ZNF184: variants seen among roughly 807,000 people sequenced by gnomAD.
ZNF184 encodes the protein zinc finger protein 184 (Kruppel-like).
ZNF184 carries 16 observed loss-of-function variants against 54.4 expected under a neutral mutation model. That is an observed-to-expected ratio of 0.29 (90% CI 0.20 to 0.45). ZNF184 has a LOEUF of 0.45. Among genes scored for constraint, ZNF184 ranks in the 20% least tolerant of loss-of-function variants. ZNF184 has a pLI of 1.00. For missense variants in ZNF184, 681 were observed against 888.2 expected, an observed-to-expected ratio of 0.77 and a Z score of 2.97; for synonymous variants, 254 against 295.3, an observed-to-expected ratio of 0.86 and a Z score of 1.43.
the ZNF184 span, among the ~76,000 whole-genome samples, chr6:27,442,248 A>T: frequency 2.0e-5 from 3 of 152,184 alleles, no homozygotes; most frequent in African/African-American, 7.2e-5. Flanking sequence ...TAGGATAATT[A>T]TGATGAAAAC....
In ZNF184 at chr6:27,463,928, A is replaced by AAC. The variant is rs1554131109; in HGVS notation, c.75+3924_75+3925insGT. ...TCCTTCGACCAGATTAAAAAAAAAA[A>AAC]AAACCAGATGAAAATATGGTTCGAC... is the stretch of plus-strand genomic sequence containing the variant. On this transcript the variant is annotated intron_variant, in intron 3 of 5. Transcript: ENST00000683788. Among the ~76,000 whole-genome samples the AAC allele has an allele frequency of 1.8e-4, 27 of 151,164 alleles. 1 individual carries two copies. The highest frequency in any genetic ancestry group is 2.7e-4 in the African/African-American group (11 of 41,282).
chr6:27,451,201 G>T lies in ZNF184; in HGVS notation c.*102C>A. 2.2e-6 allele frequency: 3 copies of T among 1,375,326 alleles called. No homozygotes were observed. Among genetic ancestry groups the T allele is most frequent in the Non-Finnish European group, 2.9e-6 (3 of 1,021,466 alleles). 85.2% of individuals were successfully genotyped at this position (1,375,326 alleles called of 1,614,324 possible). On this transcript the variant is annotated 3_prime_UTR_variant, in exon 6 of 6. Transcript: ENST00000683788. ...ATAACATGATAGTGAAAATTTAAAAGATTTCAAGGCAGTTTCTAAATCCAC... is the reference window on the plus strand; with the variant it reads ...ATAACATGATAGTGAAAATTTAAAATATTTCAAGGCAGTTTCTAAATCCAC...
At chr6:27,410,040 T>A in the ZNF184 span, among the ~76,000 whole-genome samples, 759 of 152,344 alleles carry the variant, frequency 5.0e-3, 5 homozygotes, top group African/African-American at 0.017. Flanking sequence ...TAACGTGATG[T>A]ACAGGTTTGT....
chr6:27,456,439 A>G (rs930224174), intron 5 of ZNF184, among the ~76,000 whole-genome samples: 1 of 152,208 alleles, frequency 6.6e-6, no homozygotes, highest in Non-Finnish European at 1.5e-5. Flanking sequence ...AATATAGGTT[A>G]TGTATTTCTA....
downstream of ZNF184, among the ~76,000 whole-genome samples, chr6:27,449,029 T>C (rs960096198): frequency 6.6e-6 from 1 of 152,198 alleles, no homozygotes; most frequent in Non-Finnish European, 1.5e-5. Context: ...TTGGCTGTGG[T>C]TGAATGATTT....
the ZNF184 span, chr6:27,407,813 T>C: frequency 1.3e-6 from 1 of 779,446 alleles, no homozygotes; most frequent in Non-Finnish European, 2.4e-6. Context: ...ATGGCAATTA[T>C]TTGCTTGATG....
At chr6:27,468,881 A>G (rs1763206198) in intron 2 of ZNF184, among the ~76,000 whole-genome samples, 1 of 152,200 alleles carries the variant, frequency 6.6e-6, no homozygotes, top group Admixed American at 6.5e-5. Context: ...CAGAGGCACA[A>G]GATACTTCTG....
intron 3 of ZNF184, among the ~76,000 whole-genome samples, chr6:27,459,546 G>A (rs1762947060): frequency 6.6e-6 from 1 of 152,124 alleles, no homozygotes; most frequent in Non-Finnish European, 1.5e-5. Flanking sequence ...CACTGCTAAA[G>A]TGCTCATGTG....
rs1307856565 is a variant in ZNF184 at position 27,472,384 on chromosome 6, A to ATATC, written c.-91_-90insGATA. 6.4e-7 allele frequency: 1 copy of ATATC among 1,557,212 alleles called. No individual in the cohort carries two copies. The highest frequency in any genetic ancestry group is 8.8e-7 in the Non-Finnish European group (1 of 1,131,866). On this transcript the variant is annotated 5_prime_UTR_variant, in exon 2 of 6. Transcript: ENST00000683788. This position sits in a 1 kb window ranked among gnomAD's most constrained non-coding sequence, Gnocchi z 4.8. ...GCTGGTATCTCGGTCTAGGACTCAGATGTCTAACTCCCCTTGCAGGGAATC... is the reference window on the plus strand; with the variant it reads ...GCTGGTATCTCGGTCTAGGACTCAGATATCTGTCTAACTCCCCTTGCAGGGAATC...
intron 3 of ZNF184, among the ~76,000 whole-genome samples, chr6:27,465,523 A>G (rs893986806): frequency 2.7e-5 from 4 of 150,232 alleles, no homozygotes; most frequent in African/African-American, 9.8e-5. Flanking sequence ...AAACCCAACT[A>G]CATGTTGCTT....
the ZNF184 span, among the ~76,000 whole-genome samples, chr6:27,409,051 T>C: frequency 6.6e-6 from 1 of 152,144 alleles, no homozygotes; most frequent in Non-Finnish European, 1.5e-5. Context: ...GTGTGAATCT[T>C]AATAGTATGT....
chr6:27,424,003 A>G, the ZNF184 span, among the ~76,000 whole-genome samples: 5 of 152,186 alleles, frequency 3.3e-5, no homozygotes, highest in Admixed American at 6.5e-5. Context: ...TCTTGGTCTC[A>G]CTGACTTCAA....
the ZNF184 span, among the ~76,000 whole-genome samples, chr6:27,436,839 CA>C: frequency 6.6e-6 from 1 of 152,048 alleles, no homozygotes; most frequent in African/African-American, 2.4e-5. Context: ...TCTTGACTGC[CA>C]AGAAATGGCA....
At chr6:27,465,075 C>T (rs1357870655) in intron 3 of ZNF184, among the ~76,000 whole-genome samples, 2 of 147,838 alleles carry the variant, frequency 1.4e-5, no homozygotes, top group East Asian at 3.9e-4. Context: ...GGAGGTGGCA[C>T]CATCTACGAA....
the ZNF184 span, among the ~76,000 whole-genome samples, chr6:27,434,639 T>C: frequency 4.6e-5 from 7 of 152,234 alleles, no homozygotes; most frequent in African/African-American, 9.6e-5. Context: ...TAGTGTCCTT[T>C]GATGCACAAA....
intron 5 of ZNF184, 101 bp downstream of exon 5, chr6:27,456,725 T>C: frequency 9.8e-7 from 1 of 1,022,942 alleles, no homozygotes; most frequent in Non-Finnish European, 1.5e-6. Flanking sequence ...GGAAATACTT[T>C]AAAGGGAAGA....
the ZNF184 span, among the ~76,000 whole-genome samples, chr6:27,442,360 C>T: frequency 6.6e-6 from 1 of 152,148 alleles, no homozygotes; most frequent in African/African-American, 2.4e-5. Context: ...TGACTCATGC[C>T]TGTAATCCCA....
the ZNF184 span, among the ~76,000 whole-genome samples, chr6:27,424,176 G>A: frequency 6.6e-6 from 1 of 152,174 alleles, no homozygotes. Flanking sequence ...GTAAGTGTTA[G>A]AGCTCTTAAG....
the ZNF184 span, among the ~76,000 whole-genome samples, chr6:27,425,598 T>C: frequency 2.0e-5 from 3 of 152,368 alleles, no homozygotes; most frequent in African/African-American, 7.2e-5. Flanking sequence ...CATACTGTTC[T>C]ATTTTGTGTC....
Sources: gnomAD v4.1 joint callset for allele counts (sites outside exome capture counted in the v4.1 genomes callset) on GRCh38, gnomAD v4.1.1 for gene constraint, Gnocchi (gnomAD v3.1) non-coding constraint, MANE v1.5 for transcripts, NCBI Gene and HGNC (gene_info 2026-07-23, HGNC 2026-07-21) for gene names.